The following DLG2 variants were observed in gnomAD, a reference collection of about 807,000 sequenced individuals.
DLG2 encodes the protein disks large homolog 2.
In DLG2, 45 loss-of-function variants were observed where a neutral mutation model predicts 132.5. The ratio of observed to expected loss-of-function variants is 0.34; its 90% CI spans 0.27 to 0.44. The LOEUF (loss-of-function observed/expected upper bound fraction) is 0.44, where lower values mean the gene tolerates loss of function less well. Ranked by LOEUF, DLG2 falls within the 20% of genes least tolerant of loss-of-function variation. DLG2 has a pLI of 1.00. For synonymous variants in DLG2, 424 were observed against 419.6 expected (o/e 1.01, Z -0.13); for missense variants, 1,045 against 1,196.9 (o/e 0.87, Z 1.87).
At chr11:85,444,990 T>C (rs1284004905) in intron 3 of DLG2, among the ~76,000 whole-genome samples, 1 of 150,778 alleles carries the variant, frequency 6.6e-6, no homozygotes, top group East Asian at 1.9e-4. Flanking sequence ...GATTAGGAGG[T>C]TGAATTTAAA....
chr11:83,460,791 A>T (rs1347320548), intron 27 of DLG2, among the ~76,000 whole-genome samples: 1 of 152,184 alleles, frequency 6.6e-6, no homozygotes, highest in African/African-American at 2.4e-5. Flanking sequence ...AACCACTGTC[A>T]AAATGTACAC....
At chr11:84,630,465 T>A (rs1439938504) in intron 6 of DLG2, among the ~76,000 whole-genome samples, 5 of 152,172 alleles carry the variant, frequency 3.3e-5, no homozygotes, top group Non-Finnish European at 7.4e-5. Context: ...TCAACATTTT[T>A]AAACATCATG....
rs878881037 is a variant in DLG2 at position 84,633,550 on chromosome 11, C to T, written c.358-98819G>A. ...TATCCCTGGATGATAGGAATCTGTC[C>T]TCTGGTCTCCCACAACATTGTTTAT... On this transcript the variant is annotated intron_variant, in intron 6 of 27. Transcript: ENST00000376104. Among the ~76,000 whole-genome samples, 2 of 152,014 alleles carry T rather than the reference C, an allele frequency of 1.3e-5. 1 individual carries two copies. The highest frequency in any genetic ancestry group is 1.3e-4 in the Admixed American group (2 of 15,260).
intron 4 of DLG2, among the ~76,000 whole-genome samples, chr11:85,241,003 A>G (rs2075850469): frequency 1.3e-5 from 2 of 151,724 alleles, no homozygotes; most frequent in Non-Finnish European, 3.0e-5. Flanking sequence ...ACATTTGGAG[A>G]GAAATTTGAC....
At chr11:84,086,925 T>A (rs1475184198) in intron 10 of DLG2, among the ~76,000 whole-genome samples, 2 of 151,988 alleles carry the variant, frequency 1.3e-5, no homozygotes, top group Non-Finnish European at 2.9e-5. Context: ...ATATGTGGCC[T>A]TTTTTGTCTG....
At chr11:83,873,070 T>C (rs2063788022) in intron 16 of DLG2, among the ~76,000 whole-genome samples, 1 of 152,208 alleles carries the variant, frequency 6.6e-6, no homozygotes, top group Non-Finnish European at 1.5e-5. Flanking sequence ...ATGTGGTTTA[T>C]GAATTGTACA....
intron 6 of DLG2, among the ~76,000 whole-genome samples, chr11:85,039,408 T>C (rs545672994): frequency 6.6e-6 from 1 of 152,036 alleles, no homozygotes; most frequent in East Asian, 1.9e-4. Flanking sequence ...TGAGGCAATA[T>C]AGCATAGTTA....
At chr11:84,116,735 C>T (rs939814906) in intron 9 of DLG2, among the ~76,000 whole-genome samples, 1 of 152,136 alleles carries the variant, frequency 6.6e-6, no homozygotes, top group Non-Finnish European at 1.5e-5. Context: ...AGTCCTAACA[C>T]CACAGAATTT....
chr11:83,774,722 A>C (rs2094520852), intron 18 of DLG2, among the ~76,000 whole-genome samples: 1 of 152,092 alleles, frequency 6.6e-6, no homozygotes, highest in African/African-American at 2.4e-5. Context: ...CACAATGCTC[A>C]CTCAAATATG....
At chr11:85,561,192 C>A (rs1226249537) in intron 3 of DLG2, among the ~76,000 whole-genome samples, 1 of 149,992 alleles carries the variant, frequency 6.7e-6, no homozygotes, top group Non-Finnish European at 1.5e-5. Flanking sequence ...TCCATTTATA[C>A]AAAATAAATA....
At chr11:83,772,572 GAGAA>G (rs1033764648) in intron 18 of DLG2, among the ~76,000 whole-genome samples, 27 of 150,640 alleles carry the variant, frequency 1.8e-4, no homozygotes, top group African/African-American at 5.4e-4. Flanking sequence ...GAAAGAAACA[GAGAA>G]AGAAAGAAAA....
chr11:84,687,223 C>T (rs1382227954), intron 6 of DLG2: 1 of 152,120 alleles, frequency 6.6e-6, no homozygotes, highest in Non-Finnish European at 1.5e-5. Context: ...CAAATTCTAA[C>T]TACATCTGCT....
intron 6 of DLG2, among the ~76,000 whole-genome samples, chr11:84,775,470 T>A (rs1254796310): frequency 6.6e-6 from 1 of 152,012 alleles, no homozygotes. Flanking sequence ...AAGACACATG[T>A]GTGTTCATTG....
chr11:84,444,521 T>C (rs1489271941), intron 7 of DLG2, among the ~76,000 whole-genome samples: 4 of 152,206 alleles, frequency 2.6e-5, no homozygotes, highest in Admixed American at 2.0e-4. Context: ...TTAGCTGATA[T>C]ATAATAATGC....
chr11:83,887,532 T>C (rs1384722616), intron 15 of DLG2, among the ~76,000 whole-genome samples: 1 of 152,096 alleles, frequency 6.6e-6, no homozygotes, highest in Non-Finnish European at 1.5e-5. Flanking sequence ...AAGGAGGAAC[T>C]CGTACCATTC....
At chr11:84,500,360 A>G (rs2099200254) in intron 7 of DLG2, among the ~76,000 whole-genome samples, 2 of 152,090 alleles carry the variant, frequency 1.3e-5, no homozygotes, top group Admixed American at 1.3e-4. Flanking sequence ...AAAAAAAAAA[A>G]AAAAGCAAAC....
chr11:84,054,001 C>T (rs1465807513), intron 11 of DLG2, among the ~76,000 whole-genome samples: 1 of 151,964 alleles, frequency 6.6e-6, no homozygotes, highest in African/African-American at 2.4e-5. Flanking sequence ...ATTGTCACTA[C>T]CTAGATTTAA....
chr11:84,534,761 T>C (rs1369818684), intron 6 of DLG2, 30 bp from the exon 7 acceptor site: 2 of 1,609,282 alleles, frequency 1.2e-6, no homozygotes. Context: ...AGGACAAGTA[T>C]GTATATATCA....
At chr11:84,010,053 A>G (rs2094796188) in intron 11 of DLG2, among the ~76,000 whole-genome samples, 1 of 152,074 alleles carries the variant, frequency 6.6e-6, no homozygotes, top group Non-Finnish European at 1.5e-5. Flanking sequence ...TTCTACAAAT[A>G]CATACTAATC....
Sources: allele counts gnomAD v4.1 joint callset (sites outside exome capture counted in the v4.1 genomes callset), GRCh38; gene constraint gnomAD v4.1.1; transcripts MANE v1.5; gene names NCBI Gene and HGNC (gene_info 2026-07-23, HGNC 2026-07-21).